Variants in ZNF143 observed in about 807,000 individuals in gnomAD.
The protein encoded by ZNF143 is SPH-binding factor.
ZNF143 carries 49 observed loss-of-function variants against 74.1 expected under a neutral mutation model. The observed-to-expected ratio is 0.66, with a 90% CI of 0.53 to 0.84. The LOEUF (loss-of-function observed/expected upper bound fraction) is 0.84, where lower values mean the gene tolerates loss of function less well. ZNF143 is among the 40% of genes least tolerant of loss of function. The pLI is 0.00. For synonymous variants in ZNF143, 304 were observed against 282.8 expected (o/e 1.07, Z -0.75); for missense variants, 637 against 793.4 (o/e 0.80, Z 2.37).
intron 1 of ZNF143, chr11:9,462,180 G>T (rs532495214): frequency 4.6e-5 from 7 of 151,806 alleles, no homozygotes; most frequent in African/African-American, 1.7e-4. Flanking sequence ...TGACTGTTTG[G>T]AAATTTTTTT....
At chr11:9,476,870 C>A (rs1856938051) in intron 5 of ZNF143, among the ~76,000 whole-genome samples, 1 of 141,666 alleles carries the variant, frequency 7.1e-6, no homozygotes, top group African/African-American at 2.6e-5. Context: ...CACCATTCTC[C>A]TGCCTCAGCC....
At chr11:9,515,420 T>C (rs1048595875) in intron 13 of ZNF143, among the ~76,000 whole-genome samples, 1 of 149,912 alleles carries the variant, frequency 6.7e-6, no homozygotes, top group Admixed American at 6.6e-5. Context: ...GAGGCCGAGG[T>C]GGGCGGATCA....
At chr11:9,494,495 G>A in intron 7 of ZNF143, 151 bp from the exon 8 acceptor site, 1 of 654,926 alleles carries the variant, frequency 1.5e-6, no homozygotes. Flanking sequence ...TTGTTGTATA[G>A]AGACAGGGTT....
intron 11 of ZNF143, 45 bp from the exon 12 acceptor site, chr11:9,508,574 C>T: frequency 6.3e-7 from 1 of 1,576,244 alleles, no homozygotes; most frequent in Non-Finnish European, 8.6e-7. Flanking sequence ...AATGATTTTG[C>T]CTACATATGT....
intron 14 of ZNF143, among the ~76,000 whole-genome samples, chr11:9,522,181 T>C (rs1848955677): frequency 6.6e-6 from 1 of 151,978 alleles, no homozygotes; most frequent in African/African-American, 2.4e-5. Flanking sequence ...GTTTCTACCT[T>C]AAGAAAAATT....
At chr11:9,486,378 T>TATATATATATA (rs1847495187) in intron 7 of ZNF143, among the ~76,000 whole-genome samples, 2 of 36,194 alleles carry the variant, frequency 5.5e-5, no homozygotes, top group Non-Finnish European at 9.7e-5. Context: ...TATAATATAT[T>TATATATATATA]ATATATATAA....
Position 9,482,946 on chromosome 11 carries a change from A to AT in ZNF143, c.645+3407dup, listed in dbSNP as rs973534577. 1.1e-4 allele frequency among the ~76,000 whole-genome samples: 17 copies of AT among 151,110 alleles called. 3 individuals carry two copies. The highest frequency in any genetic ancestry group is 3.4e-4 in the African/African-American group (14 of 40,658). On this transcript the variant is annotated intron_variant, in intron 7 of 15. Coordinates refer to ENST00000396602, the MANE Select transcript of ZNF143 (RefSeq NM_003442.6). ...CTATTAATTTCACCTGTTTCTTTTA[A>AT]TTTTTTTCAATTGGTTACTAGAGAT... is the stretch of plus-strand genomic sequence containing the variant.
intron 11 of ZNF143, among the ~76,000 whole-genome samples, chr11:9,503,746 G>A (rs140500698): frequency 4.4e-4 from 67 of 151,538 alleles, no homozygotes; most frequent in African/African-American, 1.4e-3. Flanking sequence ...GGGTTCAAGC[G>A]ATTGATTGAT....
intron 14 of ZNF143, among the ~76,000 whole-genome samples, chr11:9,518,155 T>C (rs781216291): frequency 6.6e-6 from 1 of 152,096 alleles, no homozygotes; most frequent in Non-Finnish European, 1.5e-5. Context: ...GATTCATAAC[T>C]CAAAAAGTGC....
chr11:9,505,628 C>T (rs1006830645), intron 11 of ZNF143, among the ~76,000 whole-genome samples: 2 of 152,008 alleles, frequency 1.3e-5, no homozygotes, highest in Admixed American at 1.3e-4. Context: ...CACCTGTAAT[C>T]CCAGCACTTG....
intron 1 of ZNF143, among the ~76,000 whole-genome samples, chr11:9,467,171 A>T (rs541831378): frequency 1.8e-4 from 27 of 149,750 alleles, no homozygotes; most frequent in Non-Finnish European, 2.1e-4. Context: ...GGATTACAGG[A>T]GTGAGCCACT....
intron 6 of ZNF143, among the ~76,000 whole-genome samples, chr11:9,478,998 A>G (rs557090789): frequency 2.0e-5 from 3 of 152,312 alleles, no homozygotes; most frequent in African/African-American, 7.2e-5. Context: ...TAAAGTGTAA[A>G]TGGAACTGCT....
At chr11:9,463,135 G>A (rs553784358) in intron 1 of ZNF143, among the ~76,000 whole-genome samples, 27 of 152,264 alleles carry the variant, frequency 1.8e-4, no homozygotes, top group Non-Finnish European at 3.5e-4. Context: ...ATTGCCAAAT[G>A]ATATTTCATT....
intron 7 of ZNF143, among the ~76,000 whole-genome samples, chr11:9,486,423 T>TATATATA (rs1455710162): frequency 7.9e-5 from 3 of 38,082 alleles, no homozygotes; most frequent in African/African-American, 1.8e-4. Context: ...ATATATATTA[T>TATATATA]ATATATTATA....
Position 9,527,729 on chromosome 11 carries a change from C to G in ZNF143, c.*116C>G. On this transcript the variant is annotated 3_prime_UTR_variant, in exon 16 of 16. Coordinates refer to ENST00000396602, the MANE Select transcript of ZNF143 (RefSeq NM_003442.6). ...TTTTCCATTCCTGATACACTGTACA[C>G]ATTTTTATGCGAGAGTGGAGAACAT... The G allele has an allele frequency of 1.2e-6, 1 of 847,080 alleles. No individual in the cohort carries two copies. The highest frequency in any genetic ancestry group is 1.9e-6 in the Non-Finnish European group (1 of 531,380). The allele number at this position is 847,080 out of a possible 1,614,324, so 52.5% of individuals were successfully genotyped here.
At chr11:9,478,343 G>A in intron 5 of ZNF143, 47 bp from the exon 6 acceptor site, 1 of 1,575,136 alleles carries the variant, frequency 6.3e-7, no homozygotes, top group Non-Finnish European at 8.7e-7. Flanking sequence ...GTAAATATTT[G>A]TCAGATTTTA....
chr11:9,488,334 C>G (rs1433819540), intron 7 of ZNF143, among the ~76,000 whole-genome samples: 1 of 152,172 alleles, frequency 6.6e-6, no homozygotes. Flanking sequence ...TTAATACCTT[C>G]CTTTGGCTTT....
At position 9,516,366 on chromosome 11, in the gene ZNF143, A is replaced by G. The variant is rs1296102528; in HGVS notation, c.1686+4A>G. On this transcript the variant is annotated splice_donor_region_variant and intron_variant, in intron 14 of 15. Coordinates refer to ENST00000396602, the MANE Select transcript of ZNF143 (RefSeq NM_003442.6). ...TGAGGGTACAGAAGGGGAACAGGTA[A>G]TTACTTTTTTCTGTTATGTCAATCA... 1.2e-6 allele frequency: 2 copies of G among 1,605,734 alleles called. No homozygotes were observed. Among genetic ancestry groups the G allele is most frequent in the Non-Finnish European group, 1.7e-6 (2 of 1,175,490 alleles).
intron 11 of ZNF143, 55 bp downstream of exon 11, chr11:9,501,325 G>C (rs1848149822): frequency 1.3e-6 from 2 of 1,574,576 alleles, no homozygotes; most frequent in Admixed American, 3.7e-5. Flanking sequence ...TTTAACTCCT[G>C]CCTTTTCCAG....
Sources: gnomAD v4.1 joint callset for allele counts (sites outside exome capture counted in the v4.1 genomes callset) on GRCh38, gnomAD v4.1.1 for gene constraint, MANE v1.5 for transcripts, NCBI Gene and HGNC (gene_info 2026-07-23, HGNC 2026-07-21) for gene names.